Variants in SASH1 observed in about 807,000 individuals in gnomAD.
SASH1 encodes the protein SAM and SH3 domain containing 1, also known as SAM and SH3 domain-containing protein 1.
A neutral mutation model predicts 125.2 loss-of-function variants in SASH1; 44 were observed. The ratio of observed to expected loss-of-function variants is 0.35; its 90% CI spans 0.28 to 0.45. The LOEUF (loss-of-function observed/expected upper bound fraction) is 0.45. Among genes scored for constraint, SASH1 ranks in the 20% least tolerant of loss-of-function variants. The pLI is 1.00. For synonymous variants in SASH1, 639 were observed against 649.1 expected, an observed-to-expected ratio of 0.98 and a Z score of 0.24; for missense variants, 1,426 against 1,614.5, an observed-to-expected ratio of 0.88 and a Z score of 2.00.
In SASH1 at chr6:148,351,000, T is replaced by C. The variant is rs545028969; in HGVS notation, c.156+7777T>C. Among the ~76,000 whole-genome samples the C allele has an allele frequency of 1.5e-3, 222 of 152,300 alleles. 1 individual carries two copies. Among genetic ancestry groups the C allele is most frequent in the Non-Finnish European group, 2.5e-3 (172 of 68,020 alleles). ...TCTTTTGTTCTCTGAAGTGTTTCAC[T>C]GGGCAGCATTAATTCTTTATGAGGA... is the stretch of plus-strand genomic sequence containing the variant. On this transcript the variant is annotated intron_variant, in intron 1 of 19. Coordinates refer to ENST00000367467, the MANE Select transcript of SASH1 (RefSeq NM_015278.5).
chr6:148,333,734 TA>T (rs1781063811), intron 1 of SASH1, among the ~76,000 whole-genome samples: 1 of 152,012 alleles, frequency 6.6e-6, no homozygotes, highest in African/African-American at 2.4e-5. Context: ...ACTAATTTTG[TA>T]TTTTTAGTAG....
intron 4 of SASH1, among the ~76,000 whole-genome samples, chr6:148,445,208 C>T (rs1027016126): frequency 3.3e-5 from 5 of 152,124 alleles, no homozygotes; most frequent in Non-Finnish European, 7.4e-5. Context: ...TCTTGTGACA[C>T]CAGTCCTGCC....
chr6:148,229,458 A>T, the SASH1 span, among the ~76,000 whole-genome samples: 1 of 152,306 alleles, frequency 6.6e-6, no homozygotes, highest in East Asian at 1.9e-4. Flanking sequence ...GTAACAATTG[A>T]TAAAAATGAT....
chr6:148,376,896 C>T (rs1342801069), intron 1 of SASH1, among the ~76,000 whole-genome samples: 7 of 150,222 alleles, frequency 4.7e-5, no homozygotes, highest in African/African-American at 1.7e-4. Context: ...CTCGGCCGGG[C>T]GCGGTGGCTC....
At chr6:148,403,335 C>G (rs1466515772) in intron 2 of SASH1, among the ~76,000 whole-genome samples, 1 of 151,858 alleles carries the variant, frequency 6.6e-6, no homozygotes, top group Non-Finnish European at 1.5e-5. Flanking sequence ...GAACTCTTGG[C>G]CTCAAGCGAT....
chr6:148,243,450 AAATAAT>A, the SASH1 span, among the ~76,000 whole-genome samples: 834 of 138,550 alleles, frequency 6.0e-3, no homozygotes, highest in African/African-American at 0.013. Context: ...AATTCCATCT[AAATAAT>A]AATAATAATA....
At chr6:148,322,936 T>TCTCTCTTTTCTTTTCCTTCCTTCTC in intron 1 of SASH1, among the ~76,000 whole-genome samples, 1 of 142,470 alleles carries the variant, frequency 7.0e-6, no homozygotes, top group Non-Finnish European at 1.5e-5. Context: ...TCTCTTTCTT[T>TCTCTCTTTTCTTTTCCTTCCTTCTC]TCCTTCCTTC....
chr6:148,378,692 C>G (rs1263153762), intron 1 of SASH1, among the ~76,000 whole-genome samples: 4 of 152,170 alleles, frequency 2.6e-5, no homozygotes, highest in Admixed American at 2.6e-4. Flanking sequence ...TTCTGTGAAG[C>G]TTTTCTCTTC....
upstream of SASH1, among the ~76,000 whole-genome samples, chr6:148,339,325 T>C (rs1217364268): frequency 2.0e-5 from 3 of 152,028 alleles, no homozygotes; most frequent in African/African-American, 7.2e-5. Context: ...ATTACAGGAA[T>C]GAGTAACCAT....
At chr6:148,543,543 G>A (rs1782356179) in intron 17 of SASH1, 137 bp from the exon 18 acceptor site, 3 of 662,612 alleles carry the variant, frequency 4.5e-6, no homozygotes, top group South Asian at 2.6e-5. Context: ...GTCATAAATG[G>A]TGATTTTATG....
At position 148,532,806 on chromosome 6, in the gene SASH1, CAGTG is replaced by C. The variant is rs1477441726; in HGVS notation, c.1577_1580del (p.Val526AlafsTer59). 1.9e-6 allele frequency: 3 copies of C among 1,614,096 alleles called. No homozygotes were observed. The stretch of plus-strand genomic sequence containing the variant: ...TATGTTTCCTGTACAGGCGGTCAAA[CAGTG>C]AGCACCACTGATTCCTCAACCAGCA... On this transcript the variant is annotated frameshift_variant, in exon 14 of 20. Coordinates refer to ENST00000367467, the MANE Select transcript of SASH1 (RefSeq NM_015278.5). LOFTEE classifies it high-confidence loss of function. The surrounding 1 kb of genome is among the most constrained non-coding windows in gnomAD (Gnocchi z 4.7).
intron 1 of SASH1, among the ~76,000 whole-genome samples, chr6:148,356,145 C>T (rs1562346401): frequency 6.7e-6 from 1 of 149,694 alleles, no homozygotes. Flanking sequence ...AGTGCAGTGG[C>T]GTGATCTCTG....
At chr6:148,254,087 A>C in the SASH1 span, among the ~76,000 whole-genome samples, 2 of 151,298 alleles carry the variant, frequency 1.3e-5, 1 homozygote. Context: ...TGCACCTGTA[A>C]TCCCAGCTAC....
intron 18 of SASH1, among the ~76,000 whole-genome samples, chr6:148,545,558 C>T (rs1782505215): frequency 6.6e-6 from 1 of 152,236 alleles, no homozygotes; most frequent in Non-Finnish European, 1.5e-5. Context: ...TTCTCTCCTG[C>T]AGTTTAGAAG....
intron 1 of SASH1, among the ~76,000 whole-genome samples, chr6:148,364,849 A>G (rs1166758487): frequency 1.3e-5 from 2 of 152,184 alleles, no homozygotes; most frequent in East Asian, 1.9e-4. Context: ...CCGGCCGGGC[A>G]CAGTGCTTCA....
chr6:148,444,916 G>A (rs1461785185), intron 4 of SASH1, among the ~76,000 whole-genome samples: 1 of 152,192 alleles, frequency 6.6e-6, no homozygotes, highest in African/African-American at 2.4e-5. Flanking sequence ...TAAACAAGGG[G>A]TGAATTATTT....
intron 1 of SASH1, among the ~76,000 whole-genome samples, chr6:148,352,711 C>T (rs1781778313): frequency 6.6e-6 from 1 of 151,964 alleles, no homozygotes; most frequent in South Asian, 2.1e-4. Context: ...GTGGCTCATG[C>T]CTGTAATTCC....
Position 148,433,406 on chromosome 6 carries a change from CTTT to C in SASH1, c.286-6762_286-6760del, listed in dbSNP as rs5880780. On this transcript the variant is annotated intron_variant, in intron 2 of 19. Transcript: ENST00000367467. The stretch of plus-strand genomic sequence containing the variant: ...GTATTAATACTTTTGTTTCTTTTTT[CTTT>C]TTTTTTTTTTTTTTTGAGACGGAGT... 1.8e-3 allele frequency among the ~76,000 whole-genome samples: 231 copies of C among 127,994 alleles called. 6 individuals are homozygous for C. Among genetic ancestry groups the C allele is most frequent in the Non-Finnish European group, 5.8e-4 (36 of 61,546 alleles). The allele number at this position is 127,994 out of a possible 152,430, so 84.0% of individuals were successfully genotyped here.
At chr6:148,209,919 C>G in the SASH1 span, among the ~76,000 whole-genome samples, 1 of 152,198 alleles carries the variant, frequency 6.6e-6, no homozygotes, top group African/African-American at 2.4e-5. Flanking sequence ...ACAAATGAAA[C>G]ACATACACAC....
Sources: allele counts gnomAD v4.1 joint callset (sites outside exome capture counted in the v4.1 genomes callset), GRCh38; gene constraint gnomAD v4.1.1; non-coding constraint Gnocchi (gnomAD v3.1); transcripts MANE v1.5; gene names NCBI Gene and HGNC (gene_info 2026-07-23, HGNC 2026-07-21).